DLG2: variants seen among roughly 807,000 people sequenced by gnomAD.
DLG2 encodes the protein disks large homolog 2.
Under a neutral mutation model 132.5 loss-of-function variants are expected in DLG2, and 45 were observed. The observed-to-expected ratio is 0.34, with a 90% CI of 0.27 to 0.44. The LOEUF is 0.44. Among genes scored for constraint, DLG2 ranks in the 20% least tolerant of loss-of-function variants. The pLI is 1.00. For missense variants in DLG2, 1,045 were observed against 1,196.9 expected (o/e 0.87, Z 1.87); for synonymous variants, 424 against 419.6 (o/e 1.01, Z -0.13).
At chr11:85,117,889 C>T (rs1420545064) in intron 5 of DLG2, among the ~76,000 whole-genome samples, 2 of 151,932 alleles carry the variant, frequency 1.3e-5, no homozygotes, top group Non-Finnish European at 2.9e-5. Context: ...TGAGAATACC[C>T]GTTTTCATTT....
At chr11:85,623,509 T>G (rs895531011) in intron 2 of DLG2, among the ~76,000 whole-genome samples, 2 of 152,166 alleles carry the variant, frequency 1.3e-5, no homozygotes, top group Admixed American at 6.5e-5. Flanking sequence ...TTCACCACGT[T>G]GGCCAGGCTG....
intron 15 of DLG2, among the ~76,000 whole-genome samples, chr11:83,922,169 G>A (rs1268349788): frequency 6.6e-6 from 1 of 152,024 alleles, no homozygotes; most frequent in Non-Finnish European, 1.5e-5. Context: ...AAAATAGTGA[G>A]GGACAACAAT....
At chr11:84,682,119 T>C (rs2099732198) in intron 6 of DLG2, among the ~76,000 whole-genome samples, 1 of 152,110 alleles carries the variant, frequency 6.6e-6, no homozygotes, top group Non-Finnish European at 1.5e-5. Context: ...GACATATGTT[T>C]ATTCAGGAGT....
chr11:85,492,678 C>T (rs532356052), intron 3 of DLG2, among the ~76,000 whole-genome samples: 7 of 149,288 alleles, frequency 4.7e-5, no homozygotes, highest in Non-Finnish European at 8.8e-5. Context: ...GATATATTAG[C>T]ATCAAATTGG....
At chr11:85,065,867 G>C (rs1234849351) in intron 6 of DLG2, among the ~76,000 whole-genome samples, 1 of 151,120 alleles carries the variant, frequency 6.6e-6, no homozygotes, top group Non-Finnish European at 1.5e-5. Context: ...AAAAAAAATA[G>C]AAAGATCTCA....
At chr11:83,770,857 T>A (rs1329490270) in intron 18 of DLG2, among the ~76,000 whole-genome samples, 1 of 152,106 alleles carries the variant, frequency 6.6e-6, no homozygotes, top group Non-Finnish European at 1.5e-5. Flanking sequence ...AACGAACAAA[T>A]AAGAGATTAA....
intron 15 of DLG2, among the ~76,000 whole-genome samples, chr11:83,910,520 T>G (rs2075854087): frequency 6.6e-6 from 1 of 152,128 alleles, no homozygotes; most frequent in Non-Finnish European, 1.5e-5. Context: ...AATGACTGCA[T>G]TTAACAATAA....
intron 9 of DLG2, among the ~76,000 whole-genome samples, chr11:84,146,019 G>T (rs2095067263): frequency 6.6e-6 from 1 of 152,156 alleles, no homozygotes; most frequent in Admixed American, 6.5e-5. Context: ...AAAGCACTTT[G>T]CACACACAAA....
chr11:84,620,459 C>T (rs937990073), intron 6 of DLG2, among the ~76,000 whole-genome samples: 11 of 151,810 alleles, frequency 7.2e-5, no homozygotes, highest in African/African-American at 9.6e-5. Context: ...ACTTAATCTA[C>T]AAAGTGGGAG....
chr11:83,777,826 G>A (rs1029212251), intron 18 of DLG2, among the ~76,000 whole-genome samples: 1 of 152,122 alleles, frequency 6.6e-6, no homozygotes, highest in African/African-American at 2.4e-5. Context: ...TTACCTTCTT[G>A]TAATAATTGT....
At chr11:83,527,292 A>G (rs1318979446) in intron 21 of DLG2, among the ~76,000 whole-genome samples, 1 of 152,204 alleles carries the variant, frequency 6.6e-6, no homozygotes, top group African/African-American at 2.4e-5. Context: ...ATAAAAAAGA[A>G]AGCATGCTAT....
At chr11:85,282,045 T>G (rs2078261754) in intron 4 of DLG2, among the ~76,000 whole-genome samples, 1 of 151,490 alleles carries the variant, frequency 6.6e-6, no homozygotes, top group African/African-American at 2.4e-5. Context: ...AATAAATAAA[T>G]AAACTCCTGT....
intron 6 of DLG2, among the ~76,000 whole-genome samples, chr11:85,007,664 C>CAAA (rs57188165): frequency 6.8e-5 from 6 of 88,534 alleles, no homozygotes; most frequent in Non-Finnish European, 8.8e-5. Flanking sequence ...GACTCCGTCT[C>CAAA]AAAAAAAAAA....
chr11:84,234,417 C>T (rs555298536), intron 8 of DLG2, among the ~76,000 whole-genome samples: 12 of 152,160 alleles, frequency 7.9e-5, no homozygotes, highest in Non-Finnish European at 1.8e-4. Context: ...TGCAGAACCC[C>T]GTATGGATTC....
At chr11:85,318,284 C>T (rs981463215) in intron 3 of DLG2, among the ~76,000 whole-genome samples, 3 of 151,904 alleles carry the variant, frequency 2.0e-5, no homozygotes, top group Admixed American at 6.6e-5. Context: ...TAAAAGTCTA[C>T]TACAATTTTC....
chr11:84,235,045 T>A (rs552937948), intron 8 of DLG2, among the ~76,000 whole-genome samples: 2 of 152,336 alleles, frequency 1.3e-5, no homozygotes, highest in South Asian at 4.1e-4. Flanking sequence ...AACCTTGGTC[T>A]CCACAACCTC....
chr11:85,113,906 C>A (rs1404394896), intron 5 of DLG2, among the ~76,000 whole-genome samples: 1 of 151,942 alleles, frequency 6.6e-6, no homozygotes, highest in Non-Finnish European at 1.5e-5. Context: ...GATGAGACAT[C>A]TTTTAGGGTC....
chr11:84,196,586 T>C lies in DLG2; in HGVS notation c.574-33075A>G, dbSNP rs1393164262. 1.3e-5 allele frequency among the ~76,000 whole-genome samples: 2 copies of C among 152,178 alleles called. 1 individual carries two copies. The highest frequency in any genetic ancestry group is 2.9e-5 in the Non-Finnish European group (2 of 68,030). On this transcript the variant is annotated intron_variant, in intron 8 of 27. Coordinates refer to ENST00000376104, the MANE Select transcript of DLG2 (RefSeq NM_001142699.3). Reference sequence around the variant, plus strand: ...TTTCTCCTGCTGCTAACAGGAAACTTGAAGAATTTTAAATAATTTAACTAA... The same window carrying C: ...TTTCTCCTGCTGCTAACAGGAAACTCGAAGAATTTTAAATAATTTAACTAA...
rs2074083113 is a variant in DLG2 at position 83,660,882 on chromosome 11, ACTT to A, written c.1826-27560_1826-27558del. ...TCATCTCATCTCTCCCCATATGTAC[ACTT>A]CTTCTTCTGACTCCCCCCATAATAA... On this transcript the variant is annotated intron_variant, in intron 18 of 27. Coordinates refer to ENST00000376104, the MANE Select transcript of DLG2 (RefSeq NM_001142699.3). 2.6e-5 allele frequency among the ~76,000 whole-genome samples: 4 copies of A among 151,884 alleles called. No individual in the cohort carries two copies. In the South Asian group the frequency reaches 8.4e-4, roughly 32 times the overall value.
Sources: gnomAD v4.1 joint callset for allele counts (sites outside exome capture counted in the v4.1 genomes callset) on GRCh38, gnomAD v4.1.1 for gene constraint, MANE v1.5 for transcripts, NCBI Gene and HGNC (gene_info 2026-07-23, HGNC 2026-07-21) for gene names.